The following ADARB1 variants were observed in gnomAD, a reference collection of about 807,000 sequenced individuals.
ADARB1 encodes double-stranded RNA-specific editase 1.
Under a neutral mutation model 52.4 loss-of-function variants are expected in ADARB1, and 10 were observed. The ratio of observed to expected loss-of-function variants is 0.19; its 90% CI spans 0.12 to 0.32. The LOEUF is 0.32. Among genes scored for constraint, ADARB1 ranks in the 10% least tolerant of loss-of-function variants. The pLI, the probability that ADARB1 is intolerant of heterozygous loss-of-function variation, is 1.00. For synonymous variants in ADARB1, 349 were observed against 371.1 expected (o/e 0.94, Z 0.68); for missense variants, 643 against 922.3 (o/e 0.70, Z 3.92).
chr21:45,146,731 A>G (rs2090028019), intron 2 of ADARB1, among the ~76,000 whole-genome samples: 1 of 152,222 alleles, frequency 6.6e-6, no homozygotes, highest in Non-Finnish European at 1.5e-5. Flanking sequence ...TTTTTATCGA[A>G]CTTCTATAAG....
At chr21:45,140,250 G>A (rs1035652806) in intron 2 of ADARB1, among the ~76,000 whole-genome samples, 1 of 152,110 alleles carries the variant, frequency 6.6e-6, no homozygotes. Flanking sequence ...TCTGACAAAT[G>A]TATGCCAGTG....
At chr21:45,174,476 G>A (rs896438693) in intron 3 of ADARB1, among the ~76,000 whole-genome samples, 3 of 152,176 alleles carry the variant, frequency 2.0e-5, no homozygotes, top group Non-Finnish European at 4.4e-5. Flanking sequence ...GCCAAGGCAG[G>A]CGGATCACCT....
intron 2 of ADARB1, among the ~76,000 whole-genome samples, chr21:45,129,113 C>T (rs1367757001): frequency 6.6e-6 from 1 of 151,972 alleles, no homozygotes. Context: ...CGCTTGTAGT[C>T]CCAGCCTCGG....
Position 45,221,318 on chromosome 21 carries a change from G to A in ADARB1, c.1926+304G>A, listed in dbSNP as rs577132585. On this transcript the variant is annotated intron_variant, in intron 10 of 10. Coordinates refer to ENST00000348831, the MANE Select transcript of ADARB1 (RefSeq NM_001112.4). The surrounding 1 kb of genome is among the most constrained non-coding windows in gnomAD (Gnocchi z 4.9). ...GATATTGAAAGTCATTATGCAAAAC[G>A]CAGGGCCAGTCACCCTGCTGTCCCC... Among the ~76,000 whole-genome samples the A allele has an allele frequency of 4.5e-4, 68 of 152,306 alleles. No individual in the cohort carries two copies. The highest frequency in any genetic ancestry group is 4.1e-4 in the South Asian group (2 of 4,830).
At chr21:45,191,878 A>AT (rs2092305087) in intron 8 of ADARB1, among the ~76,000 whole-genome samples, 4 of 15,750 alleles carry the variant, frequency 2.5e-4, no homozygotes, top group Admixed American at 7.4e-4. Context: ...ATATATATAT[A>AT]TATTTTTTTT....
intron 8 of ADARB1, among the ~76,000 whole-genome samples, chr21:45,191,870 ATATATATATATTTTTTTTTTTTT>A (rs1205576396): frequency 9.4e-4 from 11 of 11,660 alleles, no homozygotes; most frequent in African/African-American, 1.4e-3. Context: ...ATATATATAT[ATATATATATATTTTTTTTTTTTT>A]TTTTTTTTTT....
intron 2 of ADARB1, among the ~76,000 whole-genome samples, chr21:45,148,138 TG>T (rs775412028): frequency 1.1e-4 from 16 of 152,280 alleles, no homozygotes; most frequent in Non-Finnish European, 2.1e-4. Flanking sequence ...GCCCCAGACG[TG>T]GGGGCAGCCT....
chr21:45,192,027 T>G (rs1323639015), intron 8 of ADARB1, among the ~76,000 whole-genome samples: 1 of 151,768 alleles, frequency 6.6e-6, no homozygotes, highest in Non-Finnish European at 1.5e-5. Flanking sequence ...GAACAAATTT[T>G]TAGCCTTCAT....
chr21:45,180,003 G>A (rs2091867923), intron 4 of ADARB1, among the ~76,000 whole-genome samples: 1 of 152,194 alleles, frequency 6.6e-6, no homozygotes, highest in South Asian at 2.1e-4. Context: ...AGCTTTGCCT[G>A]TTTGCCTCGG....
At chr21:45,090,674 C>T (rs1294942563) in intron 1 of ADARB1, among the ~76,000 whole-genome samples, 1 of 152,172 alleles carries the variant, frequency 6.6e-6, no homozygotes, top group African/African-American at 2.4e-5. Context: ...GGGATCAACC[C>T]GGAGGCTTCC....
At position 45,200,929 on chromosome 21, in the gene ADARB1, G is replaced by T. The variant is rs2092540425; in HGVS notation, c.1566-3626G>T. The stretch of plus-strand genomic sequence containing the variant: ...ATCAGATGATAGCAGTCTGGACTCT[G>T]TTCCTAAAGAAATGGCACAAGGAAA... On this transcript the variant is annotated intron_variant, in intron 8 of 10. Transcript: ENST00000348831. This position sits in a 1 kb window ranked among gnomAD's most constrained non-coding sequence, Gnocchi z 5.0. Among the ~76,000 whole-genome samples the T allele has an allele frequency of 6.6e-6, 1 of 152,226 alleles. No individual in the cohort carries two copies. The highest frequency in any genetic ancestry group is 2.1e-4 in the South Asian group (1 of 4,832).
intron 8 of ADARB1, among the ~76,000 whole-genome samples, chr21:45,186,232 A>G (rs1378831844): frequency 6.6e-6 from 1 of 152,150 alleles, no homozygotes; most frequent in Non-Finnish European, 1.5e-5. Context: ...CATTCAACCT[A>G]TATTTTTGGA....
intron 1 of ADARB1, among the ~76,000 whole-genome samples, chr21:45,101,595 C>T (rs1177099646): frequency 6.6e-6 from 1 of 152,170 alleles, no homozygotes; most frequent in Non-Finnish European, 1.5e-5. Flanking sequence ...TTAAAGGAAG[C>T]GTTGCTTCTT....
At chr21:45,108,435 TTA>T (rs1304507964) in intron 1 of ADARB1, among the ~76,000 whole-genome samples, 1 of 152,206 alleles carries the variant, frequency 6.6e-6, no homozygotes, top group Non-Finnish European at 1.5e-5. Flanking sequence ...GCATTAAAGT[TTA>T]TGATTGTTAA....
chr21:45,114,831 C>A (rs551051564), intron 1 of ADARB1, among the ~76,000 whole-genome samples: 2 of 152,238 alleles, frequency 1.3e-5, no homozygotes, highest in African/African-American at 4.8e-5. Context: ...CCAGAGGGAA[C>A]GCTTGAGATG....
At chr21:45,159,399 T>C (rs1410624465) in intron 2 of ADARB1, among the ~76,000 whole-genome samples, 1 of 152,190 alleles carries the variant, frequency 6.6e-6, no homozygotes, top group Non-Finnish European at 1.5e-5. Context: ...TTATGGGAGC[T>C]ACAATTCAAG....
chr21:45,167,907 C>T (rs766692674), intron 2 of ADARB1, among the ~76,000 whole-genome samples: 13 of 152,086 alleles, frequency 8.5e-5, no homozygotes, highest in Non-Finnish European at 1.6e-4. Context: ...TAAGAAACTG[C>T]CAAACTACTT....
Position 45,115,030 on chromosome 21 carries a change from C to T in ADARB1, c.-219-13372C>T, listed in dbSNP as rs1308250330. Among the ~76,000 whole-genome samples, 5 of 152,222 alleles carry T rather than the reference C, an allele frequency of 3.3e-5. No homozygotes were observed. In the East Asian group the frequency reaches 9.6e-4, roughly 29 times the overall value. On this transcript the variant is annotated intron_variant, in intron 1 of 10. Coordinates refer to ENST00000348831, the MANE Select transcript of ADARB1 (RefSeq NM_001112.4). ...AAAGTGGCATGATCTTTTGGGAATA[C>T]ACTTTTTCAAGTCATGTATCCACTC...
chr21:45,152,106 T>G (rs999458266), intron 2 of ADARB1, among the ~76,000 whole-genome samples: 1 of 152,250 alleles, frequency 6.6e-6, no homozygotes, highest in East Asian at 1.9e-4. Flanking sequence ...ACCACTCACC[T>G]GCACTTTATA....
Sources: gnomAD v4.1 joint callset for allele counts (sites outside exome capture counted in the v4.1 genomes callset) on GRCh38, gnomAD v4.1.1 for gene constraint, Gnocchi (gnomAD v3.1) non-coding constraint, MANE v1.5 for transcripts, NCBI Gene and HGNC (gene_info 2026-07-23, HGNC 2026-07-21) for gene names.